The following LINGO2 variants were observed in gnomAD, a reference collection of about 807,000 sequenced individuals.
LINGO2 encodes leucine-rich repeat and immunoglobulin-like domain-containing nogo receptor-interacting protein 2.
A neutral mutation model predicts 30.6 loss-of-function variants in LINGO2; 14 were observed. That is an observed-to-expected ratio of 0.46 (90% CI 0.30 to 0.72). The LOEUF (loss-of-function observed/expected upper bound fraction) is 0.72, where lower values mean the gene tolerates loss of function less well. Among genes scored for constraint, LINGO2 ranks in the 30% least tolerant of loss-of-function variants. The probability of loss-of-function intolerance (pLI) is 0.07; values close to 1 mark genes in which losing one functional copy is unlikely to be tolerated. For synonymous variants in LINGO2, 317 were observed against 288.5 expected (o/e 1.10, Z -1.00); for missense variants, 729 against 751.7 (o/e 0.97, Z 0.35).
chr9:28,864,475 T>A, the LINGO2 span, among the ~76,000 whole-genome samples: 3 of 152,132 alleles, frequency 2.0e-5, no homozygotes, highest in East Asian at 5.8e-4. Flanking sequence ...TTAACTTTTA[T>A]CTAAAGAGCA....
chr9:28,170,834 C>T (rs1191911903), intron 4 of LINGO2, among the ~76,000 whole-genome samples: 1 of 152,202 alleles, frequency 6.6e-6, no homozygotes, highest in African/African-American at 2.4e-5. Flanking sequence ...TACTAACACC[C>T]TGGGAGCAAA....
At chr9:28,772,801 G>T in the LINGO2 span, among the ~76,000 whole-genome samples, 1 of 152,116 alleles carries the variant, frequency 6.6e-6, no homozygotes, top group African/African-American at 2.4e-5. Flanking sequence ...TACAAATAGT[G>T]AAGGAGGAGT....
intron 4 of LINGO2, among the ~76,000 whole-genome samples, chr9:28,197,537 T>G (rs1820058411): frequency 1.3e-5 from 2 of 152,126 alleles, no homozygotes; most frequent in South Asian, 4.1e-4. Context: ...AAGTTGTATT[T>G]CTTCGTTGTA....
the LINGO2 span, among the ~76,000 whole-genome samples, chr9:28,976,538 C>A: frequency 2.0e-5 from 3 of 152,068 alleles, no homozygotes; most frequent in African/African-American, 7.2e-5. Context: ...ATAAAAATTG[C>A]ACCTGTTTTT....
the LINGO2 span, among the ~76,000 whole-genome samples, chr9:28,820,738 G>A: frequency 6.6e-6 from 1 of 152,200 alleles, no homozygotes. Flanking sequence ...GGCACAGAAA[G>A]TTAGAAGTCT....
chr9:28,497,412 T>TGGTC (rs1819677519), intron 1 of LINGO2, among the ~76,000 whole-genome samples: 1 of 152,218 alleles, frequency 6.6e-6, no homozygotes, highest in African/African-American at 2.4e-5. Flanking sequence ...ATTCATTTGA[T>TGGTC]CTTGAATCAC....
the LINGO2 span, among the ~76,000 whole-genome samples, chr9:28,891,782 G>C: frequency 1.4e-5 from 2 of 141,148 alleles, no homozygotes; most frequent in East Asian, 4.3e-4. Context: ...TGCAATTTAT[G>C]AGGTCACAAT....
chr9:28,402,123 G>T (rs1356829030), intron 2 of LINGO2, among the ~76,000 whole-genome samples: 23 of 152,124 alleles, frequency 1.5e-4, no homozygotes, highest in Admixed American at 1.2e-3. Context: ...ACCCCACCCA[G>T]GTGGATACAG....
intron 5 of LINGO2, among the ~76,000 whole-genome samples, chr9:27,963,738 T>C (rs1209426906): frequency 1.7e-5 from 2 of 120,866 alleles, no homozygotes; most frequent in African/African-American, 6.0e-5. Flanking sequence ...GAGGTAAGGG[T>C]AAAAAAAAAA....
the LINGO2 span, among the ~76,000 whole-genome samples, chr9:29,180,260 G>C: frequency 6.6e-6 from 1 of 152,240 alleles, no homozygotes. Context: ...ATGACTATTG[G>C]AGCCTGTGGC....
intron 4 of LINGO2, among the ~76,000 whole-genome samples, chr9:28,070,715 TTC>T (rs1491417049): frequency 1.3e-4 from 20 of 149,408 alleles, no homozygotes; most frequent in Non-Finnish European, 2.4e-4. Context: ...TTTTGTTTTG[TTC>T]TGTTTGTTTT....
rs1461094213 is a variant in LINGO2, at chr9:28,530,114, G to T, written c.-364-54089C>A. Among the ~76,000 whole-genome samples, 5 of 151,928 alleles carry T rather than the reference G, an allele frequency of 3.3e-5. No individual in the cohort carries two copies. In the East Asian group the frequency reaches 9.7e-4, roughly 29 times the overall value. ...GCACCTAAAATAACCTTTGAAAGATGAGCTGAATTCAGTCTGGCAAAAGCA... is the reference window on the plus strand; with the variant it reads ...GCACCTAAAATAACCTTTGAAAGATTAGCTGAATTCAGTCTGGCAAAAGCA... On this transcript the variant is annotated intron_variant, in intron 1 of 5. Coordinates refer to ENST00000379992, the Ensembl canonical transcript of LINGO2.
chr9:28,259,400 C>T (rs1822490455), intron 4 of LINGO2, among the ~76,000 whole-genome samples: 2 of 151,904 alleles, frequency 1.3e-5, no homozygotes, highest in Admixed American at 1.3e-4. Context: ...GAAATAGTTT[C>T]CTTTACCTCC....
At chr9:28,202,660 T>C (rs911574072) in intron 4 of LINGO2, among the ~76,000 whole-genome samples, 6 of 152,176 alleles carry the variant, frequency 3.9e-5, no homozygotes, top group South Asian at 2.1e-4. Flanking sequence ...AGAAAAACCC[T>C]GGCTCAAATC....
rs1037571429 is a variant in LINGO2, at chr9:28,554,334, G to A, written c.-364-78309C>T. ...CCAAGCCAATGGAAAACAAAAAAAG[G>A]CAGGGGTTGCAATCCTAGTCTCTGA... On this transcript the variant is annotated intron_variant, in intron 1 of 5. Coordinates refer to ENST00000379992, the Ensembl canonical transcript of LINGO2. Among the ~76,000 whole-genome samples, 356 of 148,910 alleles carry A rather than the reference G, an allele frequency of 2.4e-3. 2 individuals carry two copies. The highest frequency in any genetic ancestry group is 3.8e-3 in the Non-Finnish European group (259 of 67,468).
chr9:28,723,577 A>G, the LINGO2 span, among the ~76,000 whole-genome samples: 1 of 152,104 alleles, frequency 6.6e-6, no homozygotes, highest in African/African-American at 2.4e-5. Flanking sequence ...AGCTGGGCCA[A>G]TATAAGAATG....
chr9:27,949,841 G>A (rs1216946448), exon 6 of LINGO2: 3 of 1,614,130 alleles, frequency 1.9e-6, no homozygotes, highest in Non-Finnish European at 2.5e-6. Context: ...AGAGGTTAAG[G>A]TGAGTCAGGT....
chr9:28,801,903 TA>T, the LINGO2 span, among the ~76,000 whole-genome samples: 23 of 152,154 alleles, frequency 1.5e-4, no homozygotes, highest in African/African-American at 5.3e-4. Context: ...TTTTTATTTG[TA>T]AAAAATCTGG....
chr9:28,948,065 T>G, the LINGO2 span, among the ~76,000 whole-genome samples: 14 of 152,242 alleles, frequency 9.2e-5, no homozygotes, highest in African/African-American at 1.2e-4. Flanking sequence ...TCCAATTTGA[T>G]GTACCCATCC....
Sources: gnomAD v4.1 joint callset for allele counts (sites outside exome capture counted in the v4.1 genomes callset) on GRCh38, gnomAD v4.1.1 for gene constraint, MANE v1.5 for transcripts, NCBI Gene and HGNC (gene_info 2026-07-23, HGNC 2026-07-21) for gene names.